CBLL2: variants seen among roughly 807,000 people sequenced by gnomAD.
CBLL2 encodes Cbl proto-oncogene like 2.
For synonymous variants in CBLL2, 123 were observed against 124.9 expected, an observed-to-expected ratio of 0.98 and a Z score of 0.10; for missense variants, 347 against 343.2, an observed-to-expected ratio of 1.01 and a Z score of -0.09.
chrX:22,274,281 G>A lies in CBLL2; in HGVS notation c.*12G>A, dbSNP rs371958882. 3 of 1,187,492 alleles carry A rather than the reference G, an allele frequency of 2.5e-6. No individual in the cohort carries two copies. The highest frequency in any genetic ancestry group is 3.4e-6 in the Non-Finnish European group (3 of 881,651). On this transcript the variant is annotated 3_prime_UTR_variant, in exon 1 of 1. Coordinates refer to ENST00000323684, the MANE Select transcript of CBLL2 (RefSeq NM_152577.4). ...ATAGACGGTATTAAGGATGATAACA[G>A]TATTTGGAACTGAAGACCTGATGGG...
Position 22,274,371 on chromosome X carries a change from G to A in CBLL2, c.*102G>A, listed in dbSNP as rs1257670083. On this transcript the variant is annotated 3_prime_UTR_variant, in exon 1 of 1. Coordinates refer to ENST00000323684, the MANE Select transcript of CBLL2 (RefSeq NM_152577.4). ...GGCTCAGTTCAGCAGAGCTGGAGTT[G>A]AACAACTTTGTTCCTCTGGTGTGGT... is the stretch of plus-strand genomic sequence containing the variant. 2 of 760,344 alleles carry A rather than the reference G, an allele frequency of 2.6e-6. No individual in the cohort carries two copies. The highest frequency in any genetic ancestry group is 3.3e-5 in the South Asian group (1 of 30,187). 62.7% of individuals were successfully genotyped at this position (760,344 alleles called of 1,213,427 possible). A position where few individuals can be genotyped will look rare whatever the true frequency, so the allele number is the denominator to read the frequency against.
In CBLL2 at chrX:22,273,899, T is replaced by C. The variant is rs1177404061; in HGVS notation, c.908T>C (p.Val303Ala). 1 of 1,209,008 alleles carries C rather than the reference T, an allele frequency of 8.3e-7. No individual in the cohort carries two copies. The highest frequency in any genetic ancestry group is 1.8e-5 in the African/African-American group (1 of 56,871). The part of the protein sequence containing the change: ...NHQMPYPPQD[V>A]VTPNSVRSQV... The stretch of plus-strand genomic sequence containing the variant: ...CAAATGCCATATCCTCCTCAGGATG[T>C]AGTTACTCCTAACTCGGTTCGTAGC... The change falls in exon 1 of 1, where the codon GTA (valine) becomes GCA (alanine). Residue 303 changes from valine (V) to alanine (A), a missense_variant. Coordinates refer to ENST00000323684, the MANE Select transcript of CBLL2 (RefSeq NM_152577.4).
At position 22,273,895 on chromosome X, in the gene CBLL2, G is replaced by A. The variant is rs1936793105; in HGVS notation, c.904G>A (p.Asp302Asn). The change falls in exon 1 of 1, where the codon GAT becomes AAT. Residue 302 changes from aspartate to asparagine, a missense_variant. Asp to Asn is a conservative substitution (Grantham distance 23). Coordinates refer to ENST00000323684, the MANE Select transcript of CBLL2 (RefSeq NM_152577.4). ...VNHQMPYPPQDVVTPNSVRSQ... is the reference protein window; with the variant it reads ...VNHQMPYPPQNVVTPNSVRSQ... ...CCATCAAATGCCATATCCTCCTCAG[G>A]ATGTAGTTACTCCTAACTCGGTTCG... is the stretch of plus-strand genomic sequence containing the variant. The A allele has an allele frequency of 8.3e-7, 1 of 1,208,699 alleles. No homozygotes were observed. Among genetic ancestry groups the A allele is most frequent in the South Asian group, 1.8e-5 (1 of 56,697 alleles).
At position 22,273,226 on chromosome X, in the gene CBLL2, T is replaced by C. The variant is rs1484412868; in HGVS notation, c.235T>C (p.Tyr79His). The change falls in exon 1 of 1, where the codon TAT becomes CAT. Residue 79 changes from tyrosine to histidine, a missense_variant. Transcript: ENST00000323684. ...AATTCCGTGCAAGCATGCTTTTTGC[T>C]ATCACTGTGCTAATTTATATGACAA... The part of the protein sequence containing the change: ...RIIPCKHAFC[Y>H]HCANLYDKVG... 1 of 1,211,823 alleles carries C rather than the reference T, an allele frequency of 8.3e-7. No homozygotes were observed. The highest frequency in any genetic ancestry group is 2.2e-5 in the Admixed American group (1 of 46,092).
Position 22,273,192 on chromosome X carries a change from T to A in CBLL2, c.201T>A (p.Tyr67Ter). The A allele has an allele frequency of 8.3e-7, 1 of 1,211,451 alleles. No homozygotes were observed. Among genetic ancestry groups the A allele is most frequent in the Non-Finnish European group, 1.1e-6 (1 of 895,231 alleles). The change falls in exon 1 of 1, where the codon TAT becomes TAA. Residue 67 changes from tyrosine to a stop codon, truncating the protein, a stop_gained. Transcript: ENST00000323684. LOFTEE classifies it low-confidence loss of function (END_TRUNC). ...AATGTGATTTGCCTATTAAAATCTA[T>A]GGGCGAATAATTCCGTGCAAGCATG... ...CDKCDLPIKIYGRIIPCKHAF... is the reference protein window; with the variant it reads ...CDKCDLPIKI
Position 22,274,119 on chromosome X carries a change from C to A in CBLL2, c.1128C>A (p.Ser376Arg), listed in dbSNP as rs1221469960. 2 of 1,211,807 alleles carry A rather than the reference C, an allele frequency of 1.7e-6. No homozygotes were observed. Among genetic ancestry groups the A allele is most frequent in the Non-Finnish European group, 2.2e-6 (2 of 895,583 alleles). ...TCACCGAAAATCAAGAAACCTTGAG[C>A]CCTCAGTTTACACAAACAGATGCAA... ...PQFTENQETL[S>R]PQFTQTDAMD... is the part of the protein sequence containing the mutation. Residue 376 changes from serine to arginine, a missense_variant, in exon 1 of 1, where the codon AGC (serine) becomes AGA (arginine). Coordinates refer to ENST00000323684, the MANE Select transcript of CBLL2 (RefSeq NM_152577.4).
rs773161307 is a variant in CBLL2 at position 22,273,428 on chromosome X, C to G, written c.437C>G (p.Thr146Ser). ...RRHKRARKQVTSASLEKVRPH... is the reference protein window; with the variant it reads ...RRHKRARKQVSSASLEKVRPH... The stretch of plus-strand genomic sequence containing the variant: ...CATAAGAGAGCTCGAAAACAAGTTA[C>G]CAGCGCTTCGCTTGAAAAAGTTCGT... Residue 146 changes from threonine (T) to serine (S), a missense_variant, in exon 1 of 1, where the codon ACC (threonine) becomes AGC (serine). Transcript: ENST00000323684. The G allele has an allele frequency of 8.3e-7, 1 of 1,211,454 alleles. No homozygotes were observed. Among genetic ancestry groups the G allele is most frequent in the Non-Finnish European group, 1.1e-6 (1 of 895,485 alleles).
chrX:22,274,049 G>A lies in CBLL2; in HGVS notation c.1058G>A (p.Ser353Asn). The part of the protein sequence containing the change: ...PQSQNGNPSA[S>N]EFASHHYNLN... ...TCTCAAAATGGTAATCCATCTGCAA[G>A]TGAATTTGCTTCTCACCATTATAAC... is the stretch of plus-strand genomic sequence containing the variant. Residue 353 changes from serine (S) to asparagine (N), a missense_variant, in exon 1 of 1, where the codon AGT (serine) becomes AAT (asparagine). Transcript: ENST00000323684. 1 of 1,211,607 alleles carries A rather than the reference G, an allele frequency of 8.3e-7. No individual in the cohort carries two copies. The highest frequency in any genetic ancestry group is 1.1e-6 in the Non-Finnish European group (1 of 895,378).
In CBLL2 at chrX:22,273,489, C is replaced by T. The variant is rs5951426; in HGVS notation, c.498C>T (p.Asp166=). 1.8e-5 allele frequency: 22 copies of T among 1,211,137 alleles called. No individual in the cohort carries two copies. Among genetic ancestry groups the T allele is most frequent in the Non-Finnish European group, 2.5e-5 (22 of 895,368 alleles). ...HIAPPQTEIS[D]IPKRLQDRDH... ...CTCCGCCACAAACTGAAATCTCTGACATCCCTAAAAGACTGCAAGACAGGG... is the reference window on the plus strand; with the variant it reads ...CTCCGCCACAAACTGAAATCTCTGATATCCCTAAAAGACTGCAAGACAGGG... The change falls in exon 1 of 1, where the codon GAC becomes GAT. Residue 166 remains aspartate (D), a synonymous_variant. Transcript: ENST00000323684.
In CBLL2 at chrX:22,274,221, A is replaced by G; in HGVS notation, c.1230A>G (p.Leu410=). 8.3e-7 allele frequency: 1 copy of G among 1,211,408 alleles called. No homozygotes were observed. Among genetic ancestry groups the G allele is most frequent in the Non-Finnish European group, 1.1e-6 (1 of 895,358 alleles). Residue 410 remains leucine (L), a synonymous_variant, in exon 1 of 1, where the codon CTA becomes CTG. Coordinates refer to ENST00000323684, the MANE Select transcript of CBLL2 (RefSeq NM_152577.4). ...PPTRSPPPST[L]HGRSHHSHQR... Reference sequence around the variant, plus strand: ...CGCGGAGTCCACCTCCTTCAACCCTACATGGTCGATCACATCATTCACACC... The same window carrying G: ...CGCGGAGTCCACCTCCTTCAACCCTGCATGGTCGATCACATCATTCACACC...
In CBLL2 at chrX:22,273,341, T is replaced by C; in HGVS notation, c.350T>C (p.Val117Ala). 2.5e-6 allele frequency: 3 copies of C among 1,211,975 alleles called. No individual in the cohort carries two copies. The highest frequency in any genetic ancestry group is 3.3e-6 in the Non-Finnish European group (3 of 895,577). The change falls in exon 1 of 1, where the codon GTT (valine) becomes GCT (alanine). Residue 117 changes from valine (V) to alanine (A), a missense_variant. Physicochemically the swap from Val to Ala is moderately conservative, Grantham distance 64 (BLOSUM62 0). Coordinates refer to ENST00000323684, the MANE Select transcript of CBLL2 (RefSeq NM_152577.4). Reference protein sequence around the residue: ...KRGSVFMCSIVQQCKRTYLSQ... With the variant: ...KRGSVFMCSIAQQCKRTYLSQ... ...GGTTCTGTCTTCATGTGTAGTATTGTTCAGCAGTGCAAGAGAACATACTTG... is the reference window on the plus strand; with the variant it reads ...GGTTCTGTCTTCATGTGTAGTATTGCTCAGCAGTGCAAGAGAACATACTTG...
Position 22,273,264 on chromosome X carries a change from A to T in CBLL2, c.273A>T (p.Lys91Asn). ...ATTTATATGACAAAGTCGGATATAAAGTATGTCCGCGCTGTCGTTATCCTG... is the reference window on the plus strand; with the variant it reads ...ATTTATATGACAAAGTCGGATATAATGTATGTCCGCGCTGTCGTTATCCTG... ...CANLYDKVGY[K>N]VCPRCRYPVL... Residue 91 changes from lysine to asparagine, a missense_variant, in exon 1 of 1, where the codon AAA (lysine) becomes AAT (asparagine). Coordinates refer to ENST00000323684, the MANE Select transcript of CBLL2 (RefSeq NM_152577.4). The T allele has an allele frequency of 8.3e-7, 1 of 1,211,825 alleles. No individual in the cohort carries two copies. Among genetic ancestry groups the T allele is most frequent in the Non-Finnish European group, 1.1e-6 (1 of 895,534 alleles).
At position 22,273,982 on chromosome X, in the gene CBLL2, G is replaced by T; in HGVS notation, c.991G>T (p.Val331Leu). 1 of 1,211,314 alleles carries T rather than the reference G, an allele frequency of 8.3e-7. No homozygotes were observed. Among genetic ancestry groups the T allele is most frequent in the Non-Finnish European group, 1.1e-6 (1 of 895,430 alleles). The change falls in exon 1 of 1, where the codon GTG becomes TTG. Residue 331 changes from valine (V) to leucine (L), a missense_variant. Coordinates refer to ENST00000323684, the MANE Select transcript of CBLL2 (RefSeq NM_152577.4). ...DPSSGYIIVKVPPDMNSPPLR... is the reference protein window; with the variant it reads ...DPSSGYIIVKLPPDMNSPPLR... ...ATCATCTGGATATATTATTGTAAAG[G>T]TGCCACCTGATATGAATTCTCCTCC...
At position 22,273,410 on chromosome X, in the gene CBLL2, G is replaced by C; in HGVS notation, c.419G>C (p.Arg140Thr). The C allele has an allele frequency of 2.5e-6, 3 of 1,211,683 alleles. No homozygotes were observed. Among genetic ancestry groups the C allele is most frequent in the Non-Finnish European group, 3.3e-6 (3 of 895,545 alleles). The change falls in exon 1 of 1, where the codon AGA (arginine) becomes ACA (threonine). Residue 140 changes from arginine (R) to threonine (T), a missense_variant. Coordinates refer to ENST00000323684, the MANE Select transcript of CBLL2 (RefSeq NM_152577.4). ...LQAHIKRRHK[R>T]ARKQVTSASL... ...GCTCATATCAAACGCCGCCATAAGA[G>C]AGCTCGAAAACAAGTTACCAGCGCT... is the stretch of plus-strand genomic sequence containing the variant.
At position 22,274,235 on chromosome X, in the gene CBLL2, A is replaced by G; in HGVS notation, c.1244A>G (p.His415Arg). ...CCTTCAACCCTACATGGTCGATCACATCATTCACACCAGAGAAGACATAGA... is the reference window on the plus strand; with the variant it reads ...CCTTCAACCCTACATGGTCGATCACGTCATTCACACCAGAGAAGACATAGA... ...PPPSTLHGRSHHSHQRRHRRY is the reference protein window; with the variant it reads ...PPPSTLHGRSRHSHQRRHRRY The change falls in exon 1 of 1, where the codon CAT becomes CGT. Residue 415 changes from histidine (H) to arginine (R), a missense_variant. Transcript: ENST00000323684. 8.3e-7 allele frequency: 1 copy of G among 1,210,904 alleles called. No homozygotes were observed.
Position 22,273,029 on chromosome X carries a change from A to G in CBLL2, c.38A>G (p.Tyr13Cys), listed in dbSNP as rs766657224. ...KMPAGEQECE[Y>C]NKEGKYYSKG... is the part of the protein sequence containing the mutation. ...CCTGCTGGTGAACAAGAATGTGAATATAACAAAGAAGGGAAGTACTACTCT... is the reference window on the plus strand; with the variant it reads ...CCTGCTGGTGAACAAGAATGTGAATGTAACAAAGAAGGGAAGTACTACTCT... Residue 13 changes from tyrosine to cysteine, a missense_variant, in exon 1 of 1, where the codon TAT becomes TGT. Physicochemically the swap from Tyr to Cys is radical, Grantham distance 194. Coordinates refer to ENST00000323684, the MANE Select transcript of CBLL2 (RefSeq NM_152577.4). 2 of 1,196,982 alleles carry G rather than the reference A, an allele frequency of 1.7e-6. No individual in the cohort carries two copies. The highest frequency in any genetic ancestry group is 1.1e-6 in the Non-Finnish European group (1 of 889,972).
In CBLL2 at chrX:22,273,241, TTATATG is replaced by T; in HGVS notation, c.251_256del (p.Leu84_Asp86delinsTyr). 8.3e-7 allele frequency: 1 copy of T among 1,211,733 alleles called. No individual in the cohort carries two copies. The stretch of plus-strand genomic sequence containing the variant: ...TGCTTTTTGCTATCACTGTGCTAAT[TTATATG>T]ACAAAGTCGGATATAAAGTATGTCC... On this transcript the variant is annotated inframe_deletion, in exon 1 of 1. Transcript: ENST00000323684.
rs1435042562 is a variant in CBLL2, at chrX:22,273,413, C to G, written c.422C>G (p.Ala141Gly). ...QAHIKRRHKR[A>G]RKQVTSASLE... ...CATATCAAACGCCGCCATAAGAGAG[C>G]TCGAAAACAAGTTACCAGCGCTTCG... The change falls in exon 1 of 1, where the codon GCT becomes GGT. Residue 141 changes from alanine (A) to glycine (G), a missense_variant. By Grantham distance (60) the Ala-to-Gly change is moderately conservative. Coordinates refer to ENST00000323684, the MANE Select transcript of CBLL2 (RefSeq NM_152577.4). 3 of 1,211,567 alleles carry G rather than the reference C, an allele frequency of 2.5e-6. No homozygotes were observed. The highest frequency in any genetic ancestry group is 3.4e-6 in the Non-Finnish European group (3 of 895,489).
In CBLL2 at chrX:22,273,583, C is replaced by A; in HGVS notation, c.592C>A (p.Gln198Lys). 1 of 1,211,259 alleles carries A rather than the reference C, an allele frequency of 8.3e-7. No homozygotes were observed. Residue 198 changes from glutamine to lysine, a missense_variant, in exon 1 of 1, where the codon CAA (glutamine) becomes AAA (lysine). Transcript: ENST00000323684. ...ACTACCGTCTGTGCAACATATGCTACAAGAGCAACATAATCAGCCACATAA... is the reference window on the plus strand; with the variant it reads ...ACTACCGTCTGTGCAACATATGCTAAAAGAGCAACATAATCAGCCACATAA... ...VSLPSVQHML[Q>K]EQHNQPHKDI...
Sources: allele counts gnomAD v4.1 joint callset, GRCh38; gene constraint gnomAD v4.1.1; transcripts MANE v1.5; gene names NCBI Gene and HGNC (gene_info 2026-07-23, HGNC 2026-07-21).